CNBD1: variants seen among roughly 807,000 people sequenced by gnomAD.
The protein encoded by CNBD1 is cyclic nucleotide-binding domain-containing protein 1.
CNBD1 carries 71 observed loss-of-function variants against 54.4 expected under a neutral mutation model. The observed-to-expected ratio is 1.30, with a 90% CI of 1.08 to 1.59. The LOEUF is 1.59. Among genes scored for constraint, CNBD1 ranks in the 40% most tolerant of loss-of-function variants. The probability of loss-of-function intolerance (pLI) is 0.00; values close to 1 mark genes in which losing one functional copy is unlikely to be tolerated. For synonymous variants in CNBD1, 182 were observed against 170.7 expected (o/e 1.07, Z -0.51); for missense variants, 659 against 518.0 (o/e 1.27, Z -2.64).
intron 4 of CNBD1, among the ~76,000 whole-genome samples, chr8:87,052,822 A>G (rs1810338082): frequency 1.3e-5 from 2 of 152,184 alleles, no homozygotes; most frequent in African/African-American, 4.8e-5. Context: ...GAAAGCCTCT[A>G]TATATCAGGG....
intron 4 of CNBD1, among the ~76,000 whole-genome samples, chr8:86,955,177 G>T (rs1334627706): frequency 1.3e-5 from 2 of 152,074 alleles, no homozygotes; most frequent in Non-Finnish European, 2.9e-5. Context: ...CATTTTTTAT[G>T]GCTGCATAGT....
At chr8:87,127,031 CCT>C (rs997130613) in intron 4 of CNBD1, among the ~76,000 whole-genome samples, 1 of 151,432 alleles carries the variant, frequency 6.6e-6, no homozygotes, top group African/African-American at 2.4e-5. Context: ...CATCTATTCC[CCT>C]GTCTTTACAA....
At chr8:87,341,604 A>G (rs1810064951) in intron 8 of CNBD1, among the ~76,000 whole-genome samples, 1 of 152,190 alleles carries the variant, frequency 6.6e-6, no homozygotes, top group African/African-American at 2.4e-5. Flanking sequence ...AAGTAATTGA[A>G]TCATGAGGGC....
chr8:87,352,059 G>A (rs113017393), intron 9 of CNBD1, among the ~76,000 whole-genome samples: 2,846 of 152,206 alleles, frequency 0.019, 89 homozygotes, highest in African/African-American at 0.062. Context: ...AGAAATGCAA[G>A]TTAAAACCAT....
chr8:86,926,119 G>T (rs112267510), intron 3 of CNBD1, among the ~76,000 whole-genome samples: 12 of 152,082 alleles, frequency 7.9e-5, no homozygotes, highest in Non-Finnish European at 7.4e-5. Context: ...TTTACAGAGC[G>T]CTGATTGGTG....
intron 6 of CNBD1, among the ~76,000 whole-genome samples, chr8:87,277,058 A>G (rs994456604): frequency 6.8e-6 from 1 of 147,782 alleles, no homozygotes; most frequent in Non-Finnish European, 1.5e-5. Flanking sequence ...GTGCTGAATC[A>G]TGATGGGTCA....
At chr8:87,391,492 A>T (rs1017859226) in intron 2 of CNBD1, among the ~76,000 whole-genome samples, 1 of 152,142 alleles carries the variant, frequency 6.6e-6, no homozygotes, top group African/African-American at 2.4e-5. Flanking sequence ...TTGGCAAAAG[A>T]GTAGACATGT....
At chr8:87,142,980 T>A (rs1812401806) in intron 4 of CNBD1, among the ~76,000 whole-genome samples, 1 of 152,172 alleles carries the variant, frequency 6.6e-6, no homozygotes, top group Non-Finnish European at 1.5e-5. Context: ...ACCTAGTGTC[T>A]GTTCTCAATC....
intron 4 of CNBD1, among the ~76,000 whole-genome samples, chr8:87,060,248 A>G (rs1810514457): frequency 6.6e-6 from 1 of 152,192 alleles, no homozygotes; most frequent in Non-Finnish European, 1.5e-5. Context: ...CTCTTGATCT[A>G]TAGGAACTGG....
intron 1 of CNBD1, among the ~76,000 whole-genome samples, chr8:86,868,623 C>T (rs1033297411): frequency 1.3e-5 from 2 of 152,108 alleles, no homozygotes; most frequent in Non-Finnish European, 2.9e-5. Flanking sequence ...TGAGCTACCA[C>T]GCCCCGGCTG....
intron 8 of CNBD1, among the ~76,000 whole-genome samples, chr8:87,304,633 T>C (rs888210275): frequency 1.3e-5 from 2 of 151,922 alleles, no homozygotes; most frequent in Non-Finnish European, 2.9e-5. Flanking sequence ...ACTTAAAGTA[T>C]AATAAAAATA....
intron 5 of CNBD1, among the ~76,000 whole-genome samples, chr8:87,235,030 T>C (rs1807556573): frequency 6.6e-6 from 1 of 152,200 alleles, no homozygotes; most frequent in African/African-American, 2.4e-5. Context: ...TATAGATATG[T>C]CTTCTATCTT....
At chr8:87,326,536 C>T (rs186252974) in intron 8 of CNBD1, among the ~76,000 whole-genome samples, 1,775 of 91,978 alleles carry the variant, frequency 0.019, 13 homozygotes, top group Middle Eastern at 0.033. Flanking sequence ...CTTCCCTTCT[C>T]GCTTCATTTC....
At chr8:87,104,998 T>A (rs1811504167) in intron 4 of CNBD1, among the ~76,000 whole-genome samples, 1 of 152,186 alleles carries the variant, frequency 6.6e-6, no homozygotes. Context: ...TTTTATATAG[T>A]TTTTTATGTT....
At chr8:86,978,742 CAT>C (rs762163179) in intron 4 of CNBD1, among the ~76,000 whole-genome samples, 133 of 152,070 alleles carry the variant, frequency 8.7e-4, no homozygotes, top group African/African-American at 2.7e-3. Flanking sequence ...GGGGTTTCTC[CAT>C]GTTGGTCTCG....
intron 4 of CNBD1, among the ~76,000 whole-genome samples, chr8:87,047,115 G>A (rs1007095296): frequency 8.5e-5 from 13 of 152,108 alleles, no homozygotes; most frequent in South Asian, 2.1e-4. Flanking sequence ...CACTTTTAGA[G>A]ATTGTAAGTG....
intron 3 of CNBD1, among the ~76,000 whole-genome samples, chr8:86,926,845 A>G (rs1364954033): frequency 6.6e-6 from 1 of 152,166 alleles, no homozygotes; most frequent in Non-Finnish European, 1.5e-5. Flanking sequence ...ATAATGAAGT[A>G]GATAAACTGG....
chr8:87,221,250 G>A (rs950455769), intron 5 of CNBD1, among the ~76,000 whole-genome samples: 4 of 151,982 alleles, frequency 2.6e-5, no homozygotes, highest in East Asian at 1.9e-4. Flanking sequence ...TATTCTAATT[G>A]AACATTGTGT....
intron 4 of CNBD1, among the ~76,000 whole-genome samples, chr8:87,105,377 A>G (rs1375536017): frequency 3.3e-5 from 5 of 152,238 alleles, no homozygotes; most frequent in African/African-American, 7.2e-5. Context: ...TGGACACAAA[A>G]TATAGAAGAC....
Sources: allele counts gnomAD v4.1 joint callset (sites outside exome capture counted in the v4.1 genomes callset), GRCh38; gene constraint gnomAD v4.1.1; transcripts MANE v1.5; gene names NCBI Gene and HGNC (gene_info 2026-07-23, HGNC 2026-07-21).